Variants in SCAF1 observed in about 807,000 individuals in gnomAD.
SCAF1 encodes SR-related CTD associated factor 1.
Under a neutral mutation model 91.2 loss-of-function variants are expected in SCAF1, and 28 were observed. The ratio of observed to expected loss-of-function variants is 0.31; its 90% CI spans 0.23 to 0.42. SCAF1 has a LOEUF of 0.42. Among genes scored for constraint, SCAF1 ranks in the 10% least tolerant of loss-of-function variants. The pLI is 1.00. For synonymous variants in SCAF1, 1,036 were observed against 833.7 expected, an observed-to-expected ratio of 1.24 and a Z score of -4.18; for missense variants, 1,893 against 1,872.1, an observed-to-expected ratio of 1.01 and a Z score of -0.21.
intron 6 of SCAF1, among the ~76,000 whole-genome samples, chr19:49,648,723 A>G (rs111577582): frequency 1.3e-5 from 2 of 152,110 alleles, no homozygotes; most frequent in Admixed American, 6.5e-5. Flanking sequence ...CTGTAATCCC[A>G]GCACTTTGGG....
Position 49,653,464 on chromosome 19 carries a change from G to A in SCAF1, c.3075G>A (p.Glu1025=). 1 of 1,550,192 alleles carries A rather than the reference G, an allele frequency of 6.5e-7. No homozygotes were observed. Among genetic ancestry groups the A allele is most frequent in the Non-Finnish European group, 8.7e-7 (1 of 1,149,378 alleles). Residue 1025 remains glutamate (E), a synonymous_variant, in exon 7 of 11, where the codon GAG becomes GAA. Coordinates refer to ENST00000360565, the MANE Select transcript of SCAF1 (RefSeq NM_021228.3). ...TCCGAGGTGGGGCGGAGGAGGAGGA[G>A]GAGGAAGAAGAAGAGGAGGAGGAAG... is the stretch of plus-strand genomic sequence containing the variant. ...AGVRGGAEEE[E]EEEEEEEEEE...
At chr19:49,650,002 C>T (rs1457338410) in intron 6 of SCAF1, among the ~76,000 whole-genome samples, 2 of 152,186 alleles carry the variant, frequency 1.3e-5, no homozygotes, top group Non-Finnish European at 2.9e-5. Flanking sequence ...TGTGGTGTGG[C>T]CTCTGTCAGC....
Position 49,653,564 on chromosome 19 carries a change from C to T in SCAF1, c.3175C>T (p.Pro1059Ser). ...TGCTGCAGCCGCCCCAAGCACTGCC[C>T]CCAGCGCGGGGTCCACAGCCGGTGA... Reference protein sequence around the residue: ...STAAAAPSTAPSAGSTAGDSG... With the variant: ...STAAAAPSTASSAGSTAGDSG... Residue 1059 changes from proline to serine, a missense_variant, in exon 7 of 11, where the codon CCC becomes TCC. Coordinates refer to ENST00000360565, the MANE Select transcript of SCAF1 (RefSeq NM_021228.3). The T allele has an allele frequency of 6.3e-7, 1 of 1,587,552 alleles. No individual in the cohort carries two copies. Among genetic ancestry groups the T allele is most frequent in the South Asian group, 1.1e-5 (1 of 88,490 alleles).
rs1432254299 is a variant in SCAF1, at chr19:49,653,403, C to G, written c.3014C>G (p.Ser1005Cys). ...VDSSCKTPEV[S>C]FLPEEATEEA... ...AGCAGCTGCAAGACACCTGAGGTCTCCTTCCTGCCCGAGGAGGCCACTGAG... is the reference window on the plus strand; with the variant it reads ...AGCAGCTGCAAGACACCTGAGGTCTGCTTCCTGCCCGAGGAGGCCACTGAG... Residue 1005 changes from serine (S) to cysteine (C), a missense_variant, in exon 7 of 11, where the codon TCC (serine) becomes TGC (cysteine). This residue lies in a region of SCAF1 where 1,436 missense variants were observed against 1,306.8 expected (regional missense o/e 1.10). Transcript: ENST00000360565. The G allele has an allele frequency of 1.9e-6, 3 of 1,543,712 alleles. No individual in the cohort carries two copies. In the African/African-American group the frequency reaches 4.1e-5, roughly 21 times the overall value.
chr19:49,640,624 TAGCCA>T (rs1265869831), upstream of SCAF1, among the ~76,000 whole-genome samples: 2 of 152,120 alleles, frequency 1.3e-5, no homozygotes, highest in Non-Finnish European at 2.9e-5. Context: ...CCTGGGATCC[TAGCCA>T]AGCTTTCGAC....
In SCAF1 at chr19:49,651,857, C is replaced by A; in HGVS notation, c.1468C>A (p.Arg490=). ...LDLRRKILTQ[R]RERYRQRSPS... ...CCTGCGCCGCAAGATCCTGACCCAA[C>A]GGCGGGAGCGCTACCGCCAGCGCTC... Residue 490 remains arginine, a synonymous_variant, in exon 7 of 11, where the codon CGG becomes AGG. Transcript: ENST00000360565. 1 of 1,244,470 alleles carries A rather than the reference C, an allele frequency of 8.0e-7. No individual in the cohort carries two copies. The highest frequency in any genetic ancestry group is 1.0e-6 in the Non-Finnish European group (1 of 993,608). The allele number at this position is 1,244,470 out of a possible 1,614,324, so 77.1% of individuals were successfully genotyped here.
rs1236084807 is a variant in SCAF1, at chr19:49,652,391, C to T, written c.2002C>T (p.Pro668Ser). 1.3e-6 allele frequency: 2 copies of T among 1,568,760 alleles called. No individual in the cohort carries two copies. Among genetic ancestry groups the T allele is most frequent in the African/African-American group, 2.7e-5 (2 of 73,934 alleles). The change falls in exon 7 of 11, where the codon CCG becomes TCG. Residue 668 changes from proline to serine, a missense_variant. Pro to Ser is a moderately conservative substitution (Grantham distance 74). This residue lies in a region of SCAF1 where 1,436 missense variants were observed against 1,306.8 expected (regional missense o/e 1.10). Transcript: ENST00000360565. ...CGAGAAGGCCCCGGCGCCCGCCCCG[C>T]CGCCCTCTGGCTCCACCTCGTGTGG... ...GSEKAPAPAP[P>S]PSGSTSCGDR...
upstream of SCAF1, among the ~76,000 whole-genome samples, chr19:49,641,789 C>CCCAGAATGTGGGCAGCACAACAT (rs2081027464): frequency 1.3e-5 from 2 of 152,168 alleles, no homozygotes; most frequent in Non-Finnish European, 2.9e-5. Context: ...TTCTGAGAGC[C>CCCAGAATGTGGGCAGCACAACAT]CCAGAATGTG....
chr19:49,648,885 T>C (rs7508148), intron 6 of SCAF1, among the ~76,000 whole-genome samples: 56,560 of 150,698 alleles, frequency 0.38, 13,046 homozygotes, highest in African/African-American at 0.67. Context: ...GCAGGAGAAT[T>C]GCTTGAACCA....
intron 7 of SCAF1, among the ~76,000 whole-genome samples, 171 bp from the exon 8 acceptor site, chr19:49,654,178 G>A (rs1360237986): frequency 6.6e-6 from 1 of 152,174 alleles, no homozygotes; most frequent in African/African-American, 2.4e-5. Flanking sequence ...TTCGTGGTAT[G>A]GGCTGTTCTC....
chr19:49,652,500 C>T lies in SCAF1; in HGVS notation c.2111C>T (p.Thr704Ile). Residue 704 changes from threonine to isoleucine, a missense_variant, in exon 7 of 11, where the codon ACC becomes ATC. Physicochemically the swap from Thr to Ile is moderately conservative, Grantham distance 89 (BLOSUM62 -1). Coordinates refer to ENST00000360565, the MANE Select transcript of SCAF1 (RefSeq NM_021228.3). ...TDHDLFAIKR[T>I]ITVGRLDKSD... ...CACGACCTCTTCGCCATCAAGCGGACCATCACGGTGGGCCGGCTTGACAAG... is the reference window on the plus strand; with the variant it reads ...CACGACCTCTTCGCCATCAAGCGGATCATCACGGTGGGCCGGCTTGACAAG... 6.3e-7 allele frequency: 1 copy of T among 1,586,170 alleles called. No homozygotes were observed. Among genetic ancestry groups the T allele is most frequent in the Non-Finnish European group, 8.6e-7 (1 of 1,167,624 alleles).
At chr19:49,648,564 C>CG (rs937127527) in intron 6 of SCAF1, among the ~76,000 whole-genome samples, 3 of 150,394 alleles carry the variant, frequency 2.0e-5, no homozygotes, top group East Asian at 3.9e-4. Context: ...TGCCACACCC[C>CG]CCCCCCTTTT....
In SCAF1 at chr19:49,654,438, T is replaced by A. The variant is rs1441607702; in HGVS notation, c.3399+7T>A. The A allele has an allele frequency of 5.0e-6, 8 of 1,612,030 alleles. No individual in the cohort carries two copies. Among genetic ancestry groups the A allele is most frequent in the Non-Finnish European group, 5.9e-6 (7 of 1,178,980 alleles). On this transcript the variant is annotated splice_region_variant and intron_variant, in intron 8 of 10. Transcript: ENST00000360565. ...GATCCAGGCCACCAACCAGGTGGGC[T>A]CCCCTGGGGGAGAGTCCCTGCCGCC...
chr19:49,654,973 G>A lies in SCAF1; in HGVS notation c.3618+103G>A, dbSNP rs1568446362. ...CCAAGGAGAAAGGGAGACTGAGGCA[G>A]GGAGACAGGGCCGTAGAGACCAAAG... On this transcript the variant is annotated intron_variant, in intron 9 of 10. Coordinates refer to ENST00000360565, the MANE Select transcript of SCAF1 (RefSeq NM_021228.3). 3 of 942,466 alleles carry A rather than the reference G, an allele frequency of 3.2e-6. No homozygotes were observed. The East Asian group carries it at 8.0e-5, about 25-fold the overall frequency. 58.4% of individuals were successfully genotyped at this position (942,466 alleles called of 1,614,324 possible). A position where few individuals can be genotyped will look rare whatever the true frequency, so the allele number is the denominator to read the frequency against.
upstream of SCAF1, chr19:49,641,990 G>C (rs2122438346): frequency 6.6e-6 from 1 of 152,374 alleles, no homozygotes; most frequent in South Asian, 2.1e-4. Flanking sequence ...AGCTGTCCCC[G>C]CGCGACAGAG....
chr19:49,647,990 T>C lies in SCAF1; in HGVS notation c.478+1160T>C, dbSNP rs1206154738. On this transcript the variant is annotated intron_variant, in intron 6 of 10. Coordinates refer to ENST00000360565, the MANE Select transcript of SCAF1 (RefSeq NM_021228.3). ...CTGCGTCCCCCAGGCTAGAGTGCAG[T>C]GGCACAGTCACAGCTCACTGCAGCC... is the stretch of plus-strand genomic sequence containing the variant. Among the ~76,000 whole-genome samples, 3 of 152,134 alleles carry C rather than the reference T, an allele frequency of 2.0e-5. No homozygotes were observed. The East Asian group carries it at 5.8e-4, about 29-fold the overall frequency.
At chr19:49,657,126 C>T (rs147733137) in intron 9 of SCAF1, among the ~76,000 whole-genome samples, 7 of 152,232 alleles carry the variant, frequency 4.6e-5, no homozygotes, top group Non-Finnish European at 7.4e-5. Flanking sequence ...TGCACTCCAG[C>T]CTGCATGACA....
Position 49,652,441 on chromosome 19 carries a change from G to A in SCAF1, c.2052G>A (p.Gly684=). 1.2e-6 allele frequency: 2 copies of A among 1,601,052 alleles called. No homozygotes were observed. The highest frequency in any genetic ancestry group is 1.7e-4 in the Middle Eastern group (1 of 6,034). The change falls in exon 7 of 11, where the codon GGG becomes GGA. Residue 684 remains glycine, a synonymous_variant. Coordinates refer to ENST00000360565, the MANE Select transcript of SCAF1 (RefSeq NM_021228.3). The part of the protein sequence containing the change: ...SCGDRDSRRR[G]AVPPSIQDLT... ...GTGACCGCGACAGCCGCCGCCGGGG[G>A]GCCGTGCCACCCTCCATCCAGGACC...
At chr19:49,656,150 A>G (rs995122648) in intron 9 of SCAF1, among the ~76,000 whole-genome samples, 3 of 144,284 alleles carry the variant, frequency 2.1e-5, no homozygotes, top group African/African-American at 8.5e-5. Flanking sequence ...CTTGCGCTGC[A>G]GGACTCGGAC....
Sources: gnomAD v4.1 joint callset for allele counts (sites outside exome capture counted in the v4.1 genomes callset) on GRCh38, gnomAD v4.1.1 for gene constraint, gnomAD v4.1.1 regional missense constraint, MANE v1.5 for transcripts, NCBI Gene and HGNC (gene_info 2026-07-23, HGNC 2026-07-21) for gene names.